Variants in DIP2C observed in about 807,000 individuals in gnomAD.
The protein encoded by DIP2C is DIP2 acetate--CoA ligase C (putative), also known as disco-interacting protein 2 homolog C.
A neutral mutation model predicts 192.4 loss-of-function variants in DIP2C; 33 were observed. The observed-to-expected ratio is 0.17, with a 90% confidence interval of 0.13 to 0.23. The LOEUF is 0.23. Ranked by LOEUF, DIP2C falls within the 10% of genes least tolerant of loss-of-function variation. The pLI is 1.00. For synonymous variants in DIP2C, 979 were observed against 864.1 expected (o/e 1.13, Z -2.33); for missense variants, 1,537 against 2,110.1 (o/e 0.73, Z 5.32).
chr10:412,880 A>C (rs184932000), intron 8 of DIP2C, among the ~76,000 whole-genome samples: 2 of 152,386 alleles, frequency 1.3e-5, no homozygotes, highest in African/African-American at 4.8e-5. Context: ...TCTAGAACTG[A>C]AACAGCTATG....
intron 36 of DIP2C, among the ~76,000 whole-genome samples, chr10:277,800 G>A (rs1954592914): frequency 6.6e-6 from 1 of 152,018 alleles, no homozygotes; most frequent in South Asian, 2.1e-4. Context: ...CTCTCTCGGT[G>A]GCTTCTGCGA....
chr10:478,923 G>A (rs1303617191), intron 2 of DIP2C, among the ~76,000 whole-genome samples: 10 of 152,116 alleles, frequency 6.6e-5, no homozygotes, highest in East Asian at 3.9e-4. Context: ...GGGAGGAGGA[G>A]AGGAGGGCCA....
At chr10:437,876 A>T (rs1251624179) in intron 4 of DIP2C, 1 of 152,258 alleles carries the variant, frequency 6.6e-6, no homozygotes, top group Admixed American at 6.5e-5. Context: ...TGAAACTGAG[A>T]TAAGATCTAA....
At chr10:360,080 G>T (rs901868037) in intron 22 of DIP2C, among the ~76,000 whole-genome samples, 11 of 151,914 alleles carry the variant, frequency 7.2e-5, no homozygotes, top group African/African-American at 2.2e-4. Context: ...TTTGAGGAGA[G>T]ATCAGGCTTT....
At chr10:500,027 G>A (rs1002567471) in intron 1 of DIP2C, among the ~76,000 whole-genome samples, 1 of 152,234 alleles carries the variant, frequency 6.6e-6, no homozygotes, top group African/African-American at 2.4e-5. Context: ...AAGGCAGACA[G>A]GGCCACTGAG....
chr10:411,982 T>TA (rs1965218432), intron 8 of DIP2C, among the ~76,000 whole-genome samples: 2 of 152,208 alleles, frequency 1.3e-5, no homozygotes, highest in African/African-American at 4.8e-5. Flanking sequence ...ATACAACATA[T>TA]AGATGATTAA....
At chr10:575,612 A>C (rs2131550383) in intron 1 of DIP2C, among the ~76,000 whole-genome samples, 1 of 152,348 alleles carries the variant, frequency 6.6e-6, no homozygotes, top group East Asian at 1.9e-4. Context: ...ATCAAAACCC[A>C]GAAAAGAACA....
chr10:529,411 A>G (rs1355893080), intron 1 of DIP2C, among the ~76,000 whole-genome samples: 2 of 152,012 alleles, frequency 1.3e-5, no homozygotes, highest in Non-Finnish European at 2.9e-5. Flanking sequence ...ATATTCAACT[A>G]AATCTATTCA....
chr10:395,535 G>A (rs1042670726), intron 10 of DIP2C, among the ~76,000 whole-genome samples: 2 of 152,208 alleles, frequency 1.3e-5, no homozygotes, highest in Admixed American at 1.3e-4. Context: ...ATCACTTGTG[G>A]CTTCCCTAGC....
At chr10:516,204 G>T (rs577159499) in intron 1 of DIP2C, among the ~76,000 whole-genome samples, 4 of 143,776 alleles carry the variant, frequency 2.8e-5, no homozygotes, top group African/African-American at 1.0e-4. Context: ...AGGAAAGATG[G>T]AGCTGACAAG....
intron 32 of DIP2C, among the ~76,000 whole-genome samples, chr10:302,483 G>C: frequency 6.6e-6 from 1 of 152,086 alleles, no homozygotes; most frequent in East Asian, 1.9e-4. Context: ...TACACTGCTG[G>C]GACAGTCACC....
rs370593004 is a variant in DIP2C at position 364,484 on chromosome 10, C to T, written c.2367G>A (p.Val789=). 3.7e-5 allele frequency: 60 copies of T among 1,614,084 alleles called. No homozygotes were observed. The highest frequency in any genetic ancestry group is 5.0e-5 in the Non-Finnish European group (59 of 1,180,042). The change falls in exon 20 of 37, where the codon GTG becomes GTA. Residue 789 remains valine, a synonymous_variant. Coordinates refer to ENST00000280886, the MANE Select transcript of DIP2C (RefSeq NM_014974.3). ...GFVGPGGLVF[V]VGKMDGLMVV... is the part of the protein sequence containing the mutation. ...CCATGAGGCCATCCATCTTGCCCACCACGAAGACGAGGCCTCCGGGACCCA... is the reference window on the plus strand; with the variant it reads ...CCATGAGGCCATCCATCTTGCCCACTACGAAGACGAGGCCTCCGGGACCCA...
intron 1 of DIP2C, among the ~76,000 whole-genome samples, chr10:523,598 G>C (rs913652534): frequency 1.3e-5 from 2 of 149,056 alleles, no homozygotes; most frequent in African/African-American, 2.5e-5. Context: ...TGACACAAAG[G>C]ACCCTGGAGT....
intron 1 of DIP2C, among the ~76,000 whole-genome samples, chr10:550,788 C>T (rs1439804582): frequency 6.6e-6 from 1 of 152,210 alleles, no homozygotes; most frequent in African/African-American, 2.4e-5. Flanking sequence ...AACAAGCATC[C>T]CTTGACCAGG....
At chr10:453,781 C>G (rs551309809) in intron 3 of DIP2C, among the ~76,000 whole-genome samples, 1 of 152,322 alleles carries the variant, frequency 6.6e-6, no homozygotes, top group South Asian at 2.1e-4. Context: ...CACAGGGGCT[C>G]CAAGGAGACC....
At chr10:671,518 C>G (rs539248036) in intron 1 of DIP2C, among the ~76,000 whole-genome samples, 5 of 123,454 alleles carry the variant, frequency 4.1e-5, no homozygotes, top group African/African-American at 1.6e-4. Flanking sequence ...AGGCCACAGA[C>G]GCACGGACGG....
intron 4 of DIP2C, 23 bp downstream of exon 4, chr10:440,848 G>A (rs771918207): frequency 1.5e-5 from 24 of 1,603,258 alleles, no homozygotes; most frequent in Admixed American, 3.4e-5. Context: ...TCAGGAGGCC[G>A]TGTCGGGGAG....
Position 419,083 on chromosome 10 carries a change from G to C in DIP2C, c.721C>G (p.Leu241Val). The C allele has an allele frequency of 6.2e-7, 1 of 1,614,268 alleles. No homozygotes were observed. Among genetic ancestry groups the C allele is most frequent in the Non-Finnish European group, 8.5e-7 (1 of 1,180,042 alleles). ...RTAPKYGNAELMETGDGVPVS... is the reference protein window; with the variant it reads ...RTAPKYGNAEVMETGDGVPVS... ...GACGTACCATCCCCGGTCTCCATGA[G>C]CTCGGCGTTGCCGTACTTGGGCGCT... Residue 241 changes from leucine (L) to valine (V), a missense_variant, in exon 6 of 37, where the codon CTC (leucine) becomes GTC (valine). Physicochemically the swap from Leu to Val is conservative, Grantham distance 32. Coordinates refer to ENST00000280886, the MANE Select transcript of DIP2C (RefSeq NM_014974.3).
At chr10:468,782 A>C (rs1460426563) in intron 3 of DIP2C, among the ~76,000 whole-genome samples, 1 of 151,650 alleles carries the variant, frequency 6.6e-6, no homozygotes, top group Non-Finnish European at 1.5e-5. Flanking sequence ...TCTCAAAAAC[A>C]AACAAAAAAA....
Sources: gnomAD v4.1 joint callset for allele counts (sites outside exome capture counted in the v4.1 genomes callset) on GRCh38, gnomAD v4.1.1 for gene constraint, MANE v1.5 for transcripts, NCBI Gene and HGNC (gene_info 2026-07-23, HGNC 2026-07-21) for gene names.